Variants in PRKG1 observed in about 807,000 individuals in gnomAD.
PRKG1 encodes the protein protein kinase cGMP-dependent 1, also known as cGMP-dependent protein kinase 1.
A neutral mutation model predicts 88.1 loss-of-function variants in PRKG1; 35 were observed. The ratio of observed to expected loss-of-function variants is 0.40; its 90% confidence interval spans 0.30 to 0.53. The LOEUF (loss-of-function observed/expected upper bound fraction) is 0.53, where lower values mean the gene tolerates loss of function less well. Among genes scored for constraint, PRKG1 ranks in the 20% least tolerant of loss-of-function variants. The probability of loss-of-function intolerance (pLI) is 0.59; values close to 1 mark genes in which losing one functional copy is unlikely to be tolerated. For missense variants in PRKG1, 540 were observed against 839.8 expected (o/e 0.64, Z 4.41); for synonymous variants, 303 against 292.5 (o/e 1.04, Z -0.37).
chr10:51,443,079 G>C (rs186458092), intron 2 of PRKG1, among the ~76,000 whole-genome samples: 4 of 144,808 alleles, frequency 2.8e-5, no homozygotes, highest in African/African-American at 1.1e-4. Flanking sequence ...CATTGTTTAA[G>C]AGCATGCAGC....
intron 7 of PRKG1, among the ~76,000 whole-genome samples, chr10:52,064,881 C>G (rs1224723528): frequency 6.6e-6 from 1 of 152,174 alleles, no homozygotes; most frequent in Non-Finnish European, 1.5e-5. Context: ...ACAATGATCA[C>G]AAGGCAGTGA....
chr10:51,258,499 C>T (rs530122792), intron 2 of PRKG1, among the ~76,000 whole-genome samples: 93 of 152,324 alleles, frequency 6.1e-4, no homozygotes, highest in African/African-American at 2.0e-3. Flanking sequence ...TTAAGGCCTA[C>T]CCAGTCATTG....
intron 1 of PRKG1, among the ~76,000 whole-genome samples, chr10:51,105,351 G>T (rs1161929356): frequency 6.6e-6 from 1 of 152,174 alleles, no homozygotes; most frequent in African/African-American, 2.4e-5. Flanking sequence ...GTTATACAGT[G>T]TAATTTTAAA....
At chr10:51,763,900 C>T (rs1249422812) in intron 3 of PRKG1, among the ~76,000 whole-genome samples, 5 of 152,084 alleles carry the variant, frequency 3.3e-5, no homozygotes, top group Non-Finnish European at 7.4e-5. Flanking sequence ...AGATCTCTCT[C>T]CTTTTTCTTA....
intron 7 of PRKG1, among the ~76,000 whole-genome samples, chr10:52,103,769 A>G (rs1479815876): frequency 6.6e-6 from 1 of 151,898 alleles, no homozygotes; most frequent in Non-Finnish European, 1.5e-5. Flanking sequence ...AATAATTTTA[A>G]TTAAGGAAGA....
At chr10:51,153,488 G>A (rs1846129474) in intron 2 of PRKG1, among the ~76,000 whole-genome samples, 158 bp downstream of exon 2, 1 of 151,568 alleles carries the variant, frequency 6.6e-6, no homozygotes, top group African/African-American at 2.4e-5. Context: ...AGATAAAGTG[G>A]TTAACTAATT....
At chr10:51,598,235 C>A (rs1169746466) in intron 3 of PRKG1, among the ~76,000 whole-genome samples, 1 of 151,984 alleles carries the variant, frequency 6.6e-6, no homozygotes, top group Non-Finnish European at 1.5e-5. Flanking sequence ...CAGGGAACTG[C>A]ATCTTCATTC....
intron 2 of PRKG1, among the ~76,000 whole-genome samples, chr10:51,278,087 G>T (rs1249985072): frequency 6.6e-6 from 1 of 152,040 alleles, no homozygotes; most frequent in Non-Finnish European, 1.5e-5. Flanking sequence ...ATTGGCTGTG[G>T]GTTTGTCATA....
At chr10:51,972,931 G>A (rs1843743734) in intron 5 of PRKG1, among the ~76,000 whole-genome samples, 1 of 152,024 alleles carries the variant, frequency 6.6e-6, no homozygotes, top group Non-Finnish European at 1.5e-5. Flanking sequence ...CACTGAACAC[G>A]AAGCCTCCCA....
chr10:52,009,917 G>A (rs1412802383), intron 5 of PRKG1, among the ~76,000 whole-genome samples: 1 of 152,086 alleles, frequency 6.6e-6, no homozygotes, highest in East Asian at 1.9e-4. Context: ...AACAAGCAAT[G>A]GGGAAAGGAC....
Position 51,496,617 on chromosome 10 carries a change from C to T in PRKG1, c.592+28781C>T, listed in dbSNP as rs530348819. ...ATGACTTCTTTTCCCAAGGTGCTCA[C>T]TGAGTCATTGTTGATCAGAAACGCC... On this transcript the variant is annotated intron_variant, in intron 3 of 17. Transcript: ENST00000373980. Among the ~76,000 whole-genome samples, 340 of 152,294 alleles carry T rather than the reference C, an allele frequency of 2.2e-3. 1 individual carries two copies. The highest frequency in any genetic ancestry group is 4.0e-3 in the Non-Finnish European group (273 of 68,018).
chr10:52,029,614 C>T (rs918219709), intron 5 of PRKG1, among the ~76,000 whole-genome samples: 1 of 152,166 alleles, frequency 6.6e-6, no homozygotes, highest in Non-Finnish European at 1.5e-5. Flanking sequence ...ACTTTAGTGC[C>T]TGGTACTTGA....
At chr10:51,508,262 C>CA (rs1841286382) in intron 3 of PRKG1, among the ~76,000 whole-genome samples, 1 of 152,086 alleles carries the variant, frequency 6.6e-6, no homozygotes, top group South Asian at 2.1e-4. Context: ...AGTGCAATTG[C>CA]CACACAATAT....
intron 3 of PRKG1, among the ~76,000 whole-genome samples, chr10:51,510,322 C>T (rs776863927): frequency 5.9e-5 from 9 of 152,056 alleles, no homozygotes; most frequent in Admixed American, 6.6e-5. Context: ...CATATTTCTA[C>T]GTTTTCCTTG....
At chr10:51,605,106 C>T (rs999137999) in intron 3 of PRKG1, among the ~76,000 whole-genome samples, 2 of 152,118 alleles carry the variant, frequency 1.3e-5, no homozygotes, top group South Asian at 2.1e-4. Flanking sequence ...ATACTCCCCT[C>T]GGCATCTGCG....
intron 2 of PRKG1, among the ~76,000 whole-genome samples, chr10:51,193,810 A>G (rs1014757979): frequency 1.3e-5 from 2 of 152,030 alleles, no homozygotes; most frequent in African/African-American, 4.8e-5. Flanking sequence ...TCCACCCACA[A>G]CTTTTCTCAG....
intron 9 of PRKG1, 104 bp from the exon 10 acceptor site, chr10:52,251,466 C>A: frequency 2.4e-6 from 2 of 824,930 alleles, no homozygotes; most frequent in Non-Finnish European, 2.0e-6. Flanking sequence ...GGAATGTAAG[C>A]AGGTAAACCC....
chr10:51,732,273 A>ACTC (rs1739343663), intron 3 of PRKG1, among the ~76,000 whole-genome samples: 5 of 151,828 alleles, frequency 3.3e-5, no homozygotes, highest in Admixed American at 2.6e-4. Flanking sequence ...ATTAGGGTCT[A>ACTC]CTCCTATGGT....
intron 1 of PRKG1, among the ~76,000 whole-genome samples, chr10:51,075,386 G>C (rs1242345849): frequency 6.6e-6 from 1 of 152,146 alleles, no homozygotes; most frequent in African/African-American, 2.4e-5. Flanking sequence ...GGCGCTTCAC[G>C]CTGGTACCCT....
Sources: allele counts gnomAD v4.1 joint callset (sites outside exome capture counted in the v4.1 genomes callset), GRCh38; gene constraint gnomAD v4.1.1; transcripts MANE v1.5; gene names NCBI Gene and HGNC (gene_info 2026-07-23, HGNC 2026-07-21).